NAALADL2: variants seen among roughly 807,000 people sequenced by gnomAD.
The protein encoded by NAALADL2 is inactive N-acetylated-alpha-linked acidic dipeptidase-like protein 2.
NAALADL2 carries 76 observed loss-of-function variants against 87.2 expected under a neutral mutation model. The observed-to-expected ratio is 0.87, with a 90% CI of 0.72 to 1.05. The LOEUF (loss-of-function observed/expected upper bound fraction) is 1.05, where lower values mean the gene tolerates loss of function less well. Ranked by LOEUF, NAALADL2 falls within the 50% of genes least tolerant of loss-of-function variation. The pLI is 0.00. For synonymous variants in NAALADL2, 354 were observed against 331.0 expected, an observed-to-expected ratio of 1.07 and a Z score of -0.75; for missense variants, 1,089 against 945.8, an observed-to-expected ratio of 1.15 and a Z score of -1.99.
intron 2 of NAALADL2, among the ~76,000 whole-genome samples, chr3:175,212,553 T>G (rs1403867895): frequency 7.9e-6 from 1 of 126,348 alleles, no homozygotes; most frequent in Non-Finnish European, 1.6e-5. Context: ...TTTTCTTCAT[T>G]TTTTTTTCTT....
At chr3:174,571,892 G>A (rs1278844554) in intron 2 of NAALADL2, among the ~76,000 whole-genome samples, 1 of 152,146 alleles carries the variant, frequency 6.6e-6, no homozygotes, top group Non-Finnish European at 1.5e-5. Flanking sequence ...TAAAGTATTA[G>A]ATCCCAATAT....
intron 1 of NAALADL2, among the ~76,000 whole-genome samples, chr3:174,510,216 G>C (rs1381392147): frequency 1.3e-5 from 2 of 151,946 alleles, no homozygotes; most frequent in African/African-American, 4.8e-5. Context: ...AATGTTTTTG[G>C]TTTTGAATTA....
chr3:175,695,152 T>C (rs560007498), intron 11 of NAALADL2, among the ~76,000 whole-genome samples: 1 of 152,264 alleles, frequency 6.6e-6, no homozygotes, highest in Admixed American at 6.5e-5. Context: ...GAGTAATCTT[T>C]TTTAATTATA....
intron 2 of NAALADL2, among the ~76,000 whole-genome samples, chr3:174,667,274 A>G (rs1726043094): frequency 6.6e-6 from 1 of 152,132 alleles, no homozygotes; most frequent in African/African-American, 2.4e-5. Context: ...AATTAACAAG[A>G]GCGAGGTCTG....
intron 3 of NAALADL2, among the ~76,000 whole-genome samples, chr3:174,812,240 A>T (rs1720299916): frequency 6.6e-6 from 1 of 152,114 alleles, no homozygotes; most frequent in South Asian, 2.1e-4. Flanking sequence ...TTGCTCCTAG[A>T]TACACAATCT....
chr3:175,215,705 C>T (rs1742411916), intron 2 of NAALADL2, among the ~76,000 whole-genome samples: 1 of 152,114 alleles, frequency 6.6e-6, no homozygotes, highest in South Asian at 2.1e-4. Context: ...CTCCATATAC[C>T]TAATTAATGA....
chr3:174,723,040 T>G (rs2108957224), intron 2 of NAALADL2, among the ~76,000 whole-genome samples: 1 of 152,216 alleles, frequency 6.6e-6, no homozygotes, highest in African/African-American at 2.4e-5. Flanking sequence ...TGTATTTAAT[T>G]TTTTCATGGT....
chr3:174,445,147 C>T (rs1714960524), intron 1 of NAALADL2, among the ~76,000 whole-genome samples: 1 of 151,642 alleles, frequency 6.6e-6, no homozygotes, highest in Non-Finnish European at 1.5e-5. Context: ...CCTCAATTTA[C>T]CATTTTTAGT....
At chr3:175,138,793 A>G (rs897365990) in intron 2 of NAALADL2, among the ~76,000 whole-genome samples, 1 of 148,104 alleles carries the variant, frequency 6.8e-6, no homozygotes, top group Non-Finnish European at 1.5e-5. Context: ...GATATTGTGA[A>G]TATATACTGC....
chr3:175,612,599 A>G (rs1453639111), intron 10 of NAALADL2, among the ~76,000 whole-genome samples: 1 of 152,098 alleles, frequency 6.6e-6, no homozygotes, highest in African/African-American at 2.4e-5. Context: ...TTTCTTTCAG[A>G]GTTGATTAAA....
intron 2 of NAALADL2, among the ~76,000 whole-genome samples, chr3:175,221,838 G>A (rs1019710098): frequency 2.0e-5 from 3 of 151,534 alleles, no homozygotes; most frequent in Non-Finnish European, 4.4e-5. Context: ...TGCGTGGCTC[G>A]ATCTTGGCTC....
intron 1 of NAALADL2, among the ~76,000 whole-genome samples, chr3:174,456,929 A>G (rs140306250): frequency 1.9e-3 from 295 of 152,292 alleles, no homozygotes; most frequent in South Asian, 0.016. Flanking sequence ...CAGAAAACCT[A>G]TAGAATGGGA....
At chr3:175,105,746 T>A (rs1233910782) in intron 2 of NAALADL2, among the ~76,000 whole-genome samples, 2 of 116,724 alleles carry the variant, frequency 1.7e-5, no homozygotes, top group East Asian at 5.2e-4. Context: ...AAAGTTGATT[T>A]TGAAGATAGA....
intron 11 of NAALADL2, chr3:175,718,222 T>C: frequency 9.5e-7 from 1 of 1,051,558 alleles, no homozygotes; most frequent in Non-Finnish European, 1.4e-6. Flanking sequence ...TTTTTTTTTT[T>C]TGATTAGTTG....
chr3:175,651,076 TA>T (rs1349819331), intron 11 of NAALADL2, among the ~76,000 whole-genome samples: 1 of 152,212 alleles, frequency 6.6e-6, no homozygotes, highest in Non-Finnish European at 1.5e-5. Context: ...TTGTGTAGCT[TA>T]TGAGTATTAA....
At chr3:174,993,597 A>C (rs931664299) in intron 1 of NAALADL2, among the ~76,000 whole-genome samples, 2 of 152,188 alleles carry the variant, frequency 1.3e-5, no homozygotes, top group Non-Finnish European at 2.9e-5. Context: ...CTATGTGGAG[A>C]AGACATTTTT....
chr3:175,223,136 A>G lies in NAALADL2; in HGVS notation c.546-10795A>G, dbSNP rs113340259. Reference sequence around the variant, plus strand: ...TGTGTGTGTGTGTGTGTGTGTGGTAAGGACACTGTTCTCTTACCAAATTTC... The same window carrying G: ...TGTGTGTGTGTGTGTGTGTGTGGTAGGGACACTGTTCTCTTACCAAATTTC... On this transcript the variant is annotated intron_variant, in intron 2 of 13. Transcript: ENST00000454872. 1.7e-3 allele frequency among the ~76,000 whole-genome samples: 215 copies of G among 123,756 alleles called. 2 individuals carry two copies. The highest frequency in any genetic ancestry group is 5.8e-3 in the African/African-American group (205 of 35,486). The allele number at this position is 123,756 out of a possible 152,430, so 81.2% of individuals were successfully genotyped here. A position where few individuals can be genotyped will look rare whatever the true frequency, so the allele number is the denominator to read the frequency against.
chr3:175,382,830 A>C (rs1767944479), intron 5 of NAALADL2, among the ~76,000 whole-genome samples: 2 of 152,144 alleles, frequency 1.3e-5, no homozygotes, highest in South Asian at 4.1e-4. Context: ...AACTCGAAGA[A>C]GATATACTTT....
At chr3:174,775,926 A>G (rs183601379) in intron 3 of NAALADL2, among the ~76,000 whole-genome samples, 40 of 152,286 alleles carry the variant, frequency 2.6e-4, no homozygotes, top group African/African-American at 8.7e-4. Flanking sequence ...TAAAATAAGC[A>G]CCTCTGAAAA....
Sources: allele counts gnomAD v4.1 joint callset (sites outside exome capture counted in the v4.1 genomes callset), GRCh38; gene constraint gnomAD v4.1.1; transcripts MANE v1.5; gene names NCBI Gene and HGNC (gene_info 2026-07-23, HGNC 2026-07-21).